Variants in PLPPR5 observed in about 807,000 individuals in gnomAD.
PLPPR5 encodes phospholipid phosphatase related 5.
PLPPR5 carries 16 observed loss-of-function variants against 33.9 expected under a neutral mutation model. The ratio of observed to expected loss-of-function variants is 0.47; its 90% CI spans 0.32 to 0.72. PLPPR5 has a LOEUF of 0.72. Ranked by LOEUF, PLPPR5 falls within the 30% of genes least tolerant of loss-of-function variation. PLPPR5 has a pLI of 0.03. For synonymous variants in PLPPR5, 163 were observed against 150.3 expected (o/e 1.08, Z -0.62); for missense variants, 301 against 406.7 (o/e 0.74, Z 2.23).
At chr1:98,954,967 T>C (rs1265307816) in intron 2 of PLPPR5, among the ~76,000 whole-genome samples, 1 of 70,554 alleles carries the variant, frequency 1.4e-5, no homozygotes, top group Non-Finnish European at 2.4e-5. Flanking sequence ...TTCCCAAATG[T>C]GTTTGGAATT....
rs1324584670 is a variant in PLPPR5 at position 98,942,948 on chromosome 1, A to AT, written c.621+10121dup. 6.5e-4 allele frequency among the ~76,000 whole-genome samples: 99 copies of AT among 152,112 alleles called. 3 individuals carry two copies. Among genetic ancestry groups the AT allele is most frequent in the Non-Finnish European group, 1.3e-4 (9 of 68,016 alleles). ...GCTGGGTGTCTTAATATCCATGGGG[A>AT]TTACAGCATCCCTGAAGAAAGAGAA... On this transcript the variant is annotated intron_variant, in intron 3 of 5. Coordinates refer to ENST00000263177, the MANE Select transcript of PLPPR5 (RefSeq NM_001037317.2).
intron 1 of PLPPR5, among the ~76,000 whole-genome samples, chr1:98,980,441 CTCTTTGAAGTCATTTCCCATGAAT>C (rs1652024584): frequency 6.6e-6 from 1 of 152,052 alleles, no homozygotes; most frequent in Non-Finnish European, 1.5e-5. Context: ...GTCTTATGTG[CTCTTTGAAGTCATTTCCCATGAAT>C]GGAAATCTTA....
intron 4 of PLPPR5, among the ~76,000 whole-genome samples, chr1:98,921,563 G>A (rs1294134698): frequency 6.6e-6 from 1 of 152,072 alleles, no homozygotes. Context: ...AAATATTATA[G>A]GCAGTTTTTA....
chr1:98,911,362 A>G (rs1206177923), intron 5 of PLPPR5, among the ~76,000 whole-genome samples: 3 of 152,228 alleles, frequency 2.0e-5, no homozygotes, highest in Non-Finnish European at 4.4e-5. Context: ...GAACCTAAAA[A>G]TTAATAAAAG....
At chr1:98,943,005 G>A (rs1239024679) in intron 3 of PLPPR5, among the ~76,000 whole-genome samples, 2 of 152,224 alleles carry the variant, frequency 1.3e-5, no homozygotes, top group African/African-American at 4.8e-5. Context: ...CCACAAGCCA[G>A]TGGGTCCCAA....
chr1:98,955,802 T>A (rs954968011), intron 2 of PLPPR5, among the ~76,000 whole-genome samples: 3 of 152,162 alleles, frequency 2.0e-5, no homozygotes, highest in Admixed American at 6.5e-5. Context: ...CTCTTAATAC[T>A]AATAAAAATT....
intron 1 of PLPPR5, among the ~76,000 whole-genome samples, chr1:98,985,194 C>T (rs1652211480): frequency 6.6e-6 from 1 of 151,960 alleles, no homozygotes; most frequent in Admixed American, 6.6e-5. Context: ...TTAATTGTCC[C>T]TGATTGCTGG....
At chr1:98,933,754 T>C (rs1363622959) in intron 3 of PLPPR5, among the ~76,000 whole-genome samples, 1 of 152,150 alleles carries the variant, frequency 6.6e-6, no homozygotes, top group Non-Finnish European at 1.5e-5. Context: ...TGGGAAGGCA[T>C]TTCCTGGTAA....
chr1:98,947,676 T>C (rs1343018586), intron 3 of PLPPR5, among the ~76,000 whole-genome samples: 1 of 152,072 alleles, frequency 6.6e-6, no homozygotes, highest in Non-Finnish European at 1.5e-5. Context: ...AAGGGGTCCA[T>C]GGTAGTGAAA....
chr1:98,989,955 A>C (rs1652393037), intron 1 of PLPPR5, among the ~76,000 whole-genome samples: 1 of 152,186 alleles, frequency 6.6e-6, no homozygotes, highest in Admixed American at 6.6e-5. Context: ...ATTTAAACCA[A>C]ATTTGTTGTA....
chr1:98,916,835 C>G (rs562247450), intron 4 of PLPPR5, among the ~76,000 whole-genome samples: 1 of 152,252 alleles, frequency 6.6e-6, no homozygotes, highest in Admixed American at 6.5e-5. Flanking sequence ...GTCTTGTCTG[C>G]TAACATTTAC....
At chr1:98,904,831 T>C (rs1648837514) in intron 5 of PLPPR5, among the ~76,000 whole-genome samples, 1 of 152,180 alleles carries the variant, frequency 6.6e-6, no homozygotes, top group Non-Finnish European at 1.5e-5. Context: ...AGGCCATAGA[T>C]GAAGGATCAG....
chr1:98,893,159 A>G, intron 5 of PLPPR5, 55 bp from the exon 6 acceptor site: 1 of 1,526,334 alleles, frequency 6.6e-7, no homozygotes, highest in South Asian at 1.1e-5. Flanking sequence ...TTAGCTTTGT[A>G]AAATATGTAG....
intron 5 of PLPPR5, among the ~76,000 whole-genome samples, chr1:98,897,887 T>A (rs1475222802): frequency 6.6e-6 from 1 of 152,110 alleles, no homozygotes; most frequent in East Asian, 1.9e-4. Flanking sequence ...TCCCTGTCCC[T>A]ACTCAAACTT....
intron 1 of PLPPR5, among the ~76,000 whole-genome samples, chr1:98,961,985 T>C (rs1651265647): frequency 6.6e-6 from 1 of 152,150 alleles, no homozygotes; most frequent in Admixed American, 6.5e-5. Context: ...CATCTCAACA[T>C]GCTCATATCT....
Position 98,956,636 on chromosome 1 carries a change from G to C in PLPPR5, c.343C>G (p.Leu115Val). 1 of 1,592,050 alleles carries C rather than the reference G, an allele frequency of 6.3e-7. No individual in the cohort carries two copies. The highest frequency in any genetic ancestry group is 8.5e-7 in the Non-Finnish European group (1 of 1,172,658). ...AGAAATCGGACAGTTCGGCGCACCA[G>C]CGGGTTTATATAGCAACAGTCTCCA... ...LTGDCCYINP[L>V]VRRTVRFLGI... The change falls in exon 2 of 6, where the codon CTG becomes GTG. Residue 115 changes from leucine to valine, a missense_variant. Leu to Val is a conservative substitution (Grantham distance 32). Coordinates refer to ENST00000263177, the MANE Select transcript of PLPPR5 (RefSeq NM_001037317.2).
chr1:98,987,966 A>C (rs1253323201), intron 1 of PLPPR5, among the ~76,000 whole-genome samples: 2 of 152,100 alleles, frequency 1.3e-5, no homozygotes, highest in Non-Finnish European at 2.9e-5. Context: ...CGATCTCTCC[A>C]GAATTTGGAA....
chr1:98,893,897 G>T (rs892587940), intron 5 of PLPPR5, among the ~76,000 whole-genome samples: 1 of 151,762 alleles, frequency 6.6e-6, no homozygotes, highest in Non-Finnish European at 1.5e-5. Context: ...GTTTTTGTAT[G>T]GCATTTGCAT....
upstream of PLPPR5, among the ~76,000 whole-genome samples, chr1:99,005,509 A>C (rs12736301): frequency 6.6e-6 from 1 of 152,130 alleles, no homozygotes; most frequent in Non-Finnish European, 1.5e-5. Context: ...AATAGAAATC[A>C]TAGCCCAGTA....
Sources: allele counts gnomAD v4.1 joint callset (sites outside exome capture counted in the v4.1 genomes callset), GRCh38; gene constraint gnomAD v4.1.1; transcripts MANE v1.5; gene names NCBI Gene and HGNC (gene_info 2026-07-23, HGNC 2026-07-21).